The following CHRM3 variants were observed in gnomAD, a reference collection of about 807,000 sequenced individuals.
The protein encoded by CHRM3 is muscarinic acetylcholine receptor M3.
CHRM3 carries 11 observed loss-of-function variants against 41.8 expected under a neutral mutation model. That is an observed-to-expected ratio of 0.26 (90% CI 0.17 to 0.44). The LOEUF (loss-of-function observed/expected upper bound fraction) is 0.44, where lower values mean the gene tolerates loss of function less well. Ranked by LOEUF, CHRM3 falls within the 20% of genes least tolerant of loss-of-function variation. The probability of loss-of-function intolerance (pLI) is 1.00; values close to 1 mark genes in which losing one functional copy is unlikely to be tolerated. For synonymous variants in CHRM3, 297 were observed against 301.4 expected (o/e 0.99, Z 0.15); for missense variants, 571 against 745.4 (o/e 0.77, Z 2.72).
At chr1:239,402,473 TAACAAGACCTAC>T (rs1660060871) in intron 1 of CHRM3, among the ~76,000 whole-genome samples, 1 of 152,192 alleles carries the variant, frequency 6.6e-6, no homozygotes, top group South Asian at 2.1e-4. Flanking sequence ...TACGGTTCTG[TAACAAGACCTAC>T]AATTTTACCT....
intron 6 of CHRM3, among the ~76,000 whole-genome samples, chr1:239,856,285 C>T (rs1675111545): frequency 6.6e-6 from 1 of 152,058 alleles, no homozygotes; most frequent in South Asian, 2.1e-4. Flanking sequence ...GAATTGTGAT[C>T]CTGAGTGTTG....
At chr1:239,412,716 G>A (rs1231974943) in intron 1 of CHRM3, among the ~76,000 whole-genome samples, 1 of 152,018 alleles carries the variant, frequency 6.6e-6, no homozygotes. Context: ...GGATAAATGA[G>A]TAGAATAAGA....
intron 3 of CHRM3, among the ~76,000 whole-genome samples, chr1:239,580,295 CACACACACACACAT>C (rs1470441332): frequency 2.8e-5 from 4 of 143,460 alleles, no homozygotes; most frequent in African/African-American, 7.7e-5. Context: ...CACACACACA[CACACACACACACAT>C]CAAAAATTGA....
intron 2 of CHRM3, among the ~76,000 whole-genome samples, chr1:239,498,165 G>C (rs889671006): frequency 1.3e-5 from 2 of 152,054 alleles, no homozygotes; most frequent in African/African-American, 4.8e-5. Flanking sequence ...TTATATATTT[G>C]CTTTATTCAA....
At chr1:239,769,211 A>T (rs1667466481) in intron 5 of CHRM3, among the ~76,000 whole-genome samples, 1 of 152,142 alleles carries the variant, frequency 6.6e-6, no homozygotes, top group Admixed American at 6.5e-5. Flanking sequence ...GTGAACAGGT[A>T]GGCAATGGAT....
At chr1:239,664,829 C>T (rs1316052441) in intron 4 of CHRM3, among the ~76,000 whole-genome samples, 3 of 152,224 alleles carry the variant, frequency 2.0e-5, no homozygotes, top group Admixed American at 2.0e-4. Context: ...TTCCTGGCTT[C>T]TCAGTGTACT....
At chr1:239,652,844 T>A (rs1452556695) in intron 4 of CHRM3, among the ~76,000 whole-genome samples, 1 of 152,180 alleles carries the variant, frequency 6.6e-6, no homozygotes, top group Admixed American at 6.5e-5. Flanking sequence ...AACAAAGTGG[T>A]CCATAAGACA....
chr1:239,660,948 A>G (rs12093821), intron 4 of CHRM3, among the ~76,000 whole-genome samples: 86,526 of 151,958 alleles, frequency 0.57, 25,069 homozygotes, highest in East Asian at 0.73. Context: ...TCCAAGCTCT[A>G]TGTGTGCATT....
At chr1:239,900,873 G>C (rs562167218) in intron 6 of CHRM3, among the ~76,000 whole-genome samples, 1 of 152,270 alleles carries the variant, frequency 6.6e-6, no homozygotes, top group East Asian at 1.9e-4. Flanking sequence ...AGCAAGATCA[G>C]TCATTTCATT....
intron 1 of CHRM3, among the ~76,000 whole-genome samples, chr1:239,427,813 T>G (rs937784578): frequency 1.3e-5 from 2 of 151,414 alleles, no homozygotes; most frequent in African/African-American, 4.9e-5. Context: ...GATGAGGGAG[T>G]GGTTTTGCTG....
chr1:239,477,531 A>C (rs915012301), intron 1 of CHRM3, among the ~76,000 whole-genome samples: 10 of 152,194 alleles, frequency 6.6e-5, no homozygotes, highest in Admixed American at 6.5e-4. Flanking sequence ...TGAATCTGAC[A>C]TTGAAGGGGT....
intron 4 of CHRM3, among the ~76,000 whole-genome samples, chr1:239,654,876 A>C (rs535596948): frequency 6.6e-6 from 1 of 152,362 alleles, no homozygotes; most frequent in South Asian, 2.1e-4. Flanking sequence ...GCAATACTGG[A>C]AATGTAAAGG....
Position 239,533,744 on chromosome 1 carries a change from A to C in CHRM3, c.-421-11897A>C, listed in dbSNP as rs541892606. 2.2e-3 allele frequency among the ~76,000 whole-genome samples: 334 copies of C among 149,360 alleles called. 5 individuals carry two copies. The East Asian group carries it at 0.027, about 12-fold the overall frequency. On this transcript the variant is annotated intron_variant, in intron 2 of 6. Transcript: ENST00000676153. ...CAAACTCTGTCTCAAAAAAAAAAAAAAAAAAACAAAAAAACCCTTAAAAAC... is the reference window on the plus strand; with the variant it reads ...CAAACTCTGTCTCAAAAAAAAAAAACAAAAAACAAAAAAACCCTTAAAAAC...
At chr1:239,404,462 GAA>G (rs1366243632) in intron 1 of CHRM3, among the ~76,000 whole-genome samples, 1,643 of 129,302 alleles carry the variant, frequency 0.013, 142 homozygotes, top group South Asian at 0.018. Context: ...AAGAAAGAAA[GAA>G]AGAAAAAGAA....
intron 3 of CHRM3, among the ~76,000 whole-genome samples, chr1:239,551,182 G>T (rs186289720): frequency 7.9e-6 from 1 of 125,994 alleles, no homozygotes; most frequent in Non-Finnish European, 1.6e-5. Context: ...GAGAGAGGGA[G>T]TTTCGGTTTC....
chr1:239,437,033 A>G (rs1263353717), intron 1 of CHRM3, among the ~76,000 whole-genome samples: 1 of 152,182 alleles, frequency 6.6e-6, no homozygotes, highest in Non-Finnish European at 1.5e-5. Context: ...ACTCTTAAAA[A>G]AAATGACGCT....
chr1:239,599,294 C>T (rs1020851752), intron 3 of CHRM3, among the ~76,000 whole-genome samples: 1 of 152,102 alleles, frequency 6.6e-6, no homozygotes, highest in African/African-American at 2.4e-5. Flanking sequence ...ACAGTGACAA[C>T]GCTCTCCCTC....
At chr1:239,413,222 A>G (rs994413298) in intron 1 of CHRM3, among the ~76,000 whole-genome samples, 1 of 152,186 alleles carries the variant, frequency 6.6e-6, no homozygotes, top group African/African-American at 2.4e-5. Flanking sequence ...CAACAAGGCA[A>G]GCTCCTTTTC....
intron 5 of CHRM3, among the ~76,000 whole-genome samples, chr1:239,728,974 T>G (rs1663703664): frequency 6.6e-6 from 1 of 151,898 alleles, no homozygotes; most frequent in Non-Finnish European, 1.5e-5. Flanking sequence ...CCAGACCCTT[T>G]CAGGGAGTGC....
Sources: allele counts gnomAD v4.1 joint callset (sites outside exome capture counted in the v4.1 genomes callset), GRCh38; gene constraint gnomAD v4.1.1; transcripts MANE v1.5; gene names NCBI Gene and HGNC (gene_info 2026-07-23, HGNC 2026-07-21).